SENP7: variants seen among roughly 807,000 people sequenced by gnomAD.
SENP7 encodes sentrin-specific protease 7.
In SENP7, 64 loss-of-function variants were observed where a neutral mutation model predicts 141.2. The ratio of observed to expected loss-of-function variants is 0.45; its 90% confidence interval spans 0.37 to 0.56. The LOEUF (loss-of-function observed/expected upper bound fraction) is 0.56, where lower values mean the gene tolerates loss of function less well. Ranked by LOEUF, SENP7 falls within the 20% of genes least tolerant of loss-of-function variation. The pLI is 0.00. For synonymous variants in SENP7, 382 were observed against 426.4 expected, an observed-to-expected ratio of 0.90 and a Z score of 1.28; for missense variants, 1,025 against 1,212.2, an observed-to-expected ratio of 0.85 and a Z score of 2.29.
intron 8 of SENP7, 151 bp downstream of exon 8, chr3:101,367,679 G>A (rs1323757532): frequency 7.8e-6 from 4 of 513,812 alleles, no homozygotes; most frequent in Non-Finnish European, 1.3e-5. Flanking sequence ...ATTTAGAATT[G>A]TTTTTTAATA....
intron 6 of SENP7, among the ~76,000 whole-genome samples, chr3:101,379,631 T>A (rs12493707): frequency 0.4 from 61,407 of 151,960 alleles, 12,845 homozygotes; most frequent in Admixed American, 0.54. Flanking sequence ...ACAATGAGAT[T>A]CCACCTCACA....
intron 3 of SENP7, among the ~76,000 whole-genome samples, chr3:101,463,737 A>G (rs903986826): frequency 1.3e-5 from 2 of 152,070 alleles, no homozygotes; most frequent in African/African-American, 4.8e-5. Context: ...ACAAAAGATG[A>G]GTATCAAGAG....
At chr3:101,436,478 AAG>A (rs2062392357) in intron 4 of SENP7, among the ~76,000 whole-genome samples, 1 of 152,192 alleles carries the variant, frequency 6.6e-6, no homozygotes, top group African/African-American at 2.4e-5. Context: ...CAACAAAGTG[AAG>A]AGACAACCCA....
intron 11 of SENP7, chr3:101,358,219 C>G: frequency 1.3e-6 from 1 of 759,936 alleles, no homozygotes; most frequent in Non-Finnish European, 2.1e-6. Flanking sequence ...AGTCAAGCCT[C>G]ACTAAACATA....
chr3:101,424,688 C>T (rs1163401139), intron 4 of SENP7, among the ~76,000 whole-genome samples: 1 of 152,158 alleles, frequency 6.6e-6, no homozygotes, highest in Non-Finnish European at 1.5e-5. Context: ...ACCACACACA[C>T]AGTCACCAGC....
intron 3 of SENP7, among the ~76,000 whole-genome samples, chr3:101,477,462 A>G (rs1464499125): frequency 6.6e-6 from 1 of 151,824 alleles, no homozygotes; most frequent in Non-Finnish European, 1.5e-5. Flanking sequence ...ATTTATAGCA[A>G]TAAATACGTA....
intron 5 of SENP7, among the ~76,000 whole-genome samples, chr3:101,401,096 CAAA>C (rs36081020): frequency 1.5e-4 from 19 of 130,284 alleles, no homozygotes; most frequent in Non-Finnish European, 1.5e-4. Context: ...GTCCTTGTCT[CAAA>C]AAAAAAAAAA....
chr3:101,358,184 A>G, intron 11 of SENP7: 3 of 594,018 alleles, frequency 5.1e-6, no homozygotes, highest in South Asian at 3.1e-5. Context: ...AATGTGATCA[A>G]TGTGGCAAAA....
chr3:101,355,695 CTCTTT>C lies in SENP7; in HGVS notation c.1624-4049_1624-4045del. 2.0e-5 allele frequency among the ~76,000 whole-genome samples: 3 copies of C among 152,188 alleles called. No individual in the cohort carries two copies. In the South Asian group the frequency reaches 6.2e-4, roughly 32 times the overall value. On this transcript the variant is annotated intron_variant, in intron 11 of 23. Transcript: ENST00000394095. ...CTTAGGATTGCCTTGGCAATCAGGC[CTCTTT>C]TTTTTGGCTCCATATGAATTTTAAA...
chr3:101,469,285 C>A (rs1459104596), intron 3 of SENP7, among the ~76,000 whole-genome samples: 2 of 152,062 alleles, frequency 1.3e-5, no homozygotes, highest in South Asian at 2.1e-4. Context: ...GAGACTTACA[C>A]CCCCACACAA....
intron 4 of SENP7, 123 bp from the exon 5 acceptor site, chr3:101,417,913 C>A: frequency 1.1e-5 from 8 of 724,870 alleles, no homozygotes; most frequent in South Asian, 2.2e-5. Flanking sequence ...TAGTAAATAC[C>A]CTAAGAAAAA....
At chr3:101,401,572 T>C (rs996028622) in intron 5 of SENP7, among the ~76,000 whole-genome samples, 3 of 151,194 alleles carry the variant, frequency 2.0e-5, no homozygotes, top group African/African-American at 7.3e-5. Context: ...GCTACTCCTA[T>C]GAACACACAA....
intron 4 of SENP7, among the ~76,000 whole-genome samples, chr3:101,444,994 CA>C (rs1240861433): frequency 6.6e-6 from 1 of 151,738 alleles, no homozygotes; most frequent in Non-Finnish European, 1.5e-5. Context: ...CAAATTTTAC[CA>C]AATAGATTCA....
At chr3:101,488,820 G>A (rs1268189518) in intron 3 of SENP7, among the ~76,000 whole-genome samples, 3 of 152,134 alleles carry the variant, frequency 2.0e-5, no homozygotes, top group African/African-American at 2.4e-5. Context: ...CCAGCCTGGC[G>A]ACAGAGAGAG....
chr3:101,483,899 G>T (rs1252087849), intron 3 of SENP7, among the ~76,000 whole-genome samples: 1 of 152,064 alleles, frequency 6.6e-6, no homozygotes. Flanking sequence ...ATGGTGGCAG[G>T]TGCCTGTAAT....
At chr3:101,389,161 G>A (rs2060741567) in intron 6 of SENP7, among the ~76,000 whole-genome samples, 1 of 151,984 alleles carries the variant, frequency 6.6e-6, no homozygotes, top group Admixed American at 6.6e-5. Flanking sequence ...TTTTAGAGGT[G>A]GGGTCTCCCT....
intron 3 of SENP7, among the ~76,000 whole-genome samples, chr3:101,484,514 A>G (rs2064639810): frequency 6.6e-6 from 1 of 152,138 alleles, no homozygotes; most frequent in Admixed American, 6.5e-5. Flanking sequence ...AAGGATGTGG[A>G]CTGCTCCTGC....
chr3:101,447,781 A>G (rs1458614943), intron 4 of SENP7, among the ~76,000 whole-genome samples: 1 of 142,056 alleles, frequency 7.0e-6, no homozygotes, highest in Non-Finnish European at 1.6e-5. Context: ...GCTCCAAAAA[A>G]TCTTGAAAAA....
chr3:101,358,201 C>A, intron 11 of SENP7: 1 of 658,204 alleles, frequency 1.5e-6, no homozygotes, highest in Non-Finnish European at 2.5e-6. Flanking sequence ...AAAACCTTCA[C>A]CTGGTTTAGT....
Sources: gnomAD v4.1 joint callset for allele counts (sites outside exome capture counted in the v4.1 genomes callset) on GRCh38, gnomAD v4.1.1 for gene constraint, MANE v1.5 for transcripts, NCBI Gene and HGNC (gene_info 2026-07-23, HGNC 2026-07-21) for gene names.